The following GALNT17 variants were observed in gnomAD, a reference collection of about 807,000 sequenced individuals.
The protein encoded by GALNT17 is polypeptide N-acetylgalactosaminyltransferase 17, also known as UDP-GalNAc:polypeptide N-acetylgalactosaminyltransferase-like 3.
GALNT17 carries 29 observed loss-of-function variants against 63.7 expected under a neutral mutation model. The ratio of observed to expected loss-of-function variants is 0.46; its 90% CI spans 0.34 to 0.62. GALNT17 has a LOEUF of 0.62. Among genes scored for constraint, GALNT17 ranks in the 20% least tolerant of loss-of-function variants. The pLI is 0.01. For missense variants in GALNT17, 603 were observed against 799.6 expected (o/e 0.75, Z 2.97); for synonymous variants, 305 against 318.3 (o/e 0.96, Z 0.45).
chr7:71,620,264 C>A (rs1398026113), intron 6 of GALNT17, among the ~76,000 whole-genome samples: 1 of 152,154 alleles, frequency 6.6e-6, no homozygotes, highest in Admixed American at 6.5e-5. Context: ...CTTGTTGCAT[C>A]TCTGCCAGAT....
chr7:71,588,115 C>G (rs942889089), intron 6 of GALNT17, among the ~76,000 whole-genome samples: 1 of 152,146 alleles, frequency 6.6e-6, no homozygotes, highest in Non-Finnish European at 1.5e-5. Flanking sequence ...TAAGCCTTTT[C>G]CATGAACAAA....
intron 1 of GALNT17, among the ~76,000 whole-genome samples, chr7:71,216,234 TGAAGAG>T (rs1430646367): frequency 1.3e-5 from 2 of 151,220 alleles, no homozygotes. Context: ...CACCAAAACA[TGAAGAG>T]AGAGAGAGAG....
chr7:71,333,409 A>G (rs1318766835), intron 1 of GALNT17, among the ~76,000 whole-genome samples: 1 of 152,168 alleles, frequency 6.6e-6, no homozygotes, highest in East Asian at 1.9e-4. Context: ...GTTGATGGAC[A>G]TTTAGCTAAT....
chr7:71,583,092 G>C (rs1334461770), intron 6 of GALNT17, among the ~76,000 whole-genome samples: 8 of 152,000 alleles, frequency 5.3e-5, no homozygotes, highest in Non-Finnish European at 8.8e-5. Context: ...TCACATCTCT[G>C]CTCCATACTC....
intron 6 of GALNT17, among the ~76,000 whole-genome samples, chr7:71,602,788 G>A (rs1441969453): frequency 6.6e-6 from 1 of 152,086 alleles, no homozygotes; most frequent in East Asian, 1.9e-4. Context: ...CTCCTCCAGT[G>A]ACAAGACACT....
At chr7:71,477,206 G>C (rs1583987001) in intron 5 of GALNT17, among the ~76,000 whole-genome samples, 1 of 152,100 alleles carries the variant, frequency 6.6e-6, no homozygotes, top group East Asian at 1.9e-4. Flanking sequence ...TCTTAACTTG[G>C]TGGGTTGTGT....
At position 71,483,385 on chromosome 7, in the gene GALNT17, G is replaced by C. The variant is rs1463548227; in HGVS notation, c.962+62280G>C. Among the ~76,000 whole-genome samples, 14 of 152,034 alleles carry C rather than the reference G, an allele frequency of 9.2e-5. No homozygotes were observed. The East Asian group carries it at 2.7e-3, about 30-fold the overall frequency. ...CTCTGGAGGCTGAGGCAGGAGAATT[G>C]CTTGAACCCGGGAGGTGGAGGTTGC... is the stretch of plus-strand genomic sequence containing the variant. On this transcript the variant is annotated intron_variant, in intron 5 of 10. Coordinates refer to ENST00000333538, the MANE Select transcript of GALNT17 (RefSeq NM_022479.3).
intron 1 of GALNT17, among the ~76,000 whole-genome samples, chr7:71,269,606 G>T (rs1004417658): frequency 1.3e-5 from 2 of 152,244 alleles, no homozygotes; most frequent in South Asian, 4.1e-4. Context: ...GTCTGCAGAG[G>T]TCCTCGACCC....
At chr7:71,151,009 G>A (rs1250995762) in intron 1 of GALNT17, among the ~76,000 whole-genome samples, 1 of 151,216 alleles carries the variant, frequency 6.6e-6, no homozygotes, top group Non-Finnish European at 1.5e-5. Context: ...AAGCATCCTG[G>A]TCCCTGAGTG....
intron 6 of GALNT17, among the ~76,000 whole-genome samples, chr7:71,595,793 A>C (rs145075889): frequency 6.5e-4 from 99 of 152,180 alleles, no homozygotes; most frequent in Non-Finnish European, 1.2e-3. Context: ...ATATTCTCCC[A>C]GTTCCAATGA....
intron 5 of GALNT17, among the ~76,000 whole-genome samples, chr7:71,427,440 C>T (rs1018191162): frequency 6.6e-6 from 1 of 151,902 alleles, no homozygotes; most frequent in African/African-American, 2.4e-5. Flanking sequence ...CCAAATGATT[C>T]GGCAGTATCC....
chr7:71,270,687 C>G (rs192645432), intron 1 of GALNT17, among the ~76,000 whole-genome samples: 8 of 151,912 alleles, frequency 5.3e-5, no homozygotes, highest in African/African-American at 1.9e-4. Context: ...TCTTCTGCCT[C>G]TTTCAGCAAA....
At chr7:71,235,054 C>T (rs1314777666) in intron 1 of GALNT17, among the ~76,000 whole-genome samples, 9 of 151,996 alleles carry the variant, frequency 5.9e-5, no homozygotes, top group Admixed American at 5.9e-4. Context: ...AGTTTGAGAC[C>T]AGCCTGGGCA....
intron 1 of GALNT17, among the ~76,000 whole-genome samples, chr7:71,288,506 G>A (rs969237920): frequency 6.6e-6 from 1 of 152,116 alleles, no homozygotes; most frequent in South Asian, 2.1e-4. Context: ...TAAGCCCTGA[G>A]CGGGCTGGAT....
chr7:71,265,855 A>G (rs903374736), intron 1 of GALNT17, among the ~76,000 whole-genome samples: 5 of 152,226 alleles, frequency 3.3e-5, no homozygotes, highest in African/African-American at 9.6e-5. Context: ...CTGCTGCTGT[A>G]ACAAATGGCT....
At chr7:71,688,264 C>G (rs1236540517) in intron 9 of GALNT17, among the ~76,000 whole-genome samples, 5 of 152,112 alleles carry the variant, frequency 3.3e-5, no homozygotes, top group Admixed American at 3.3e-4. Context: ...TTTGTTGTTG[C>G]TGTTGCTCTT....
At chr7:71,198,804 C>G (rs1457672313) in intron 1 of GALNT17, among the ~76,000 whole-genome samples, 1 of 152,226 alleles carries the variant, frequency 6.6e-6, no homozygotes, top group Non-Finnish European at 1.5e-5. Flanking sequence ...TTGCTCCTCT[C>G]TCTCCCCACA....
At chr7:71,431,990 C>A (rs539697249) in intron 5 of GALNT17, among the ~76,000 whole-genome samples, 1 of 152,270 alleles carries the variant, frequency 6.6e-6, no homozygotes, top group South Asian at 2.1e-4. Context: ...GCCTGCCCAA[C>A]ATAGTGAAAC....
At chr7:71,524,390 TTG>T (rs1047789892) in intron 5 of GALNT17, among the ~76,000 whole-genome samples, 2 of 151,546 alleles carry the variant, frequency 1.3e-5, no homozygotes, top group Admixed American at 1.3e-4. Context: ...CTTCTATTTT[TTG>T]TGTGTGTCTG....
Sources: gnomAD v4.1 joint callset for allele counts (sites outside exome capture counted in the v4.1 genomes callset) on GRCh38, gnomAD v4.1.1 for gene constraint, MANE v1.5 for transcripts, NCBI Gene and HGNC (gene_info 2026-07-23, HGNC 2026-07-21) for gene names.